The following MYO15A variants were observed in gnomAD, a reference collection of about 807,000 sequenced individuals.
MYO15A encodes the protein myosin XVA.
In MYO15A, 308 loss-of-function variants were observed where a neutral mutation model predicts 394.6. The ratio of observed to expected loss-of-function variants is 0.78; its 90% confidence interval spans 0.71 to 0.86. The LOEUF (loss-of-function observed/expected upper bound fraction) is 0.86, where lower values mean the gene tolerates loss of function less well. Ranked by LOEUF, MYO15A falls within the 40% of genes least tolerant of loss-of-function variation. The pLI is 0.00. For missense variants in MYO15A, 4,606 were observed against 4,799.1 expected (o/e 0.96, Z 1.19); for synonymous variants, 1,957 against 2,003.8 (o/e 0.98, Z 0.62).
chr17:18,138,329 C>T, intron 17 of MYO15A, 83 bp downstream of exon 17: 1 of 1,516,442 alleles, frequency 6.6e-7, no homozygotes, highest in South Asian at 1.2e-5. Context: ...CTCCTTCATT[C>T]CTCTCTGCTC....
At position 18,140,594 on chromosome 17, in the gene MYO15A, G is replaced by T. The variant is rs2046360427; in HGVS notation, c.5289G>T (p.Arg1763=). The T allele has an allele frequency of 6.2e-7, 1 of 1,613,628 alleles. No homozygotes were observed. Among genetic ancestry groups the T allele is most frequent in the Non-Finnish European group, 8.5e-7 (1 of 1,180,056 alleles). Residue 1763 remains arginine, a synonymous_variant, in exon 20 of 66, where the codon CGG becomes CGT. Transcript: ENST00000647165. ...TGGGCAAGAGCAGCTCCGTCACTCG[G>T]CTCTACAAGGCGCACACTGTGGCCG... is the stretch of plus-strand genomic sequence containing the variant. ...QRLGKSSSVT[R]LYKAHTVAAK...
chr17:18,148,110 G>T lies in MYO15A; in HGVS notation c.6591G>T (p.Gln2197His), dbSNP rs1224089843. 6.2e-7 allele frequency: 1 copy of T among 1,613,932 alleles called. No homozygotes were observed. Among genetic ancestry groups the T allele is most frequent in the Non-Finnish European group, 8.5e-7 (1 of 1,180,046 alleles). Residue 2197 changes from glutamine to histidine, a missense_variant, in exon 31 of 66, where the codon CAG becomes CAT. Around this residue, in one of 2 missense-constraint regions of MYO15A, gnomAD observed 2,776 missense variants for 3,109.3 expected, o/e 0.89. Coordinates refer to ENST00000647165, the MANE Select transcript of MYO15A (RefSeq NM_016239.4). This position sits in a 1 kb window ranked among gnomAD's most constrained non-coding sequence, Gnocchi z 4.8. ...TGCAGGCCATGGGCCGGGCCCAACA[G>T]CAGGGCTCGGGGGCTGCCCGCACCT... ...RLMQAMGRAQ[Q>H]QGSGAARTLP...
In MYO15A at chr17:18,126,882, T is replaced by C; in HGVS notation, c.3941+17T>C. 1 of 1,613,858 alleles carries C rather than the reference T, an allele frequency of 6.2e-7. No homozygotes were observed. Among genetic ancestry groups the C allele is most frequent in the Non-Finnish European group, 8.5e-7 (1 of 1,179,850 alleles). The stretch of plus-strand genomic sequence containing the variant: ...AATCATTAGGTGAGTGGGCTGCCTT[T>C]ATGTGGGGGATAAATGGGGGACCTT... On this transcript the variant is annotated intron_variant, in intron 6 of 65. Coordinates refer to ENST00000647165, the MANE Select transcript of MYO15A (RefSeq NM_016239.4).
intron 1 of MYO15A, among the ~76,000 whole-genome samples, chr17:18,112,078 C>G (rs915141407): frequency 2.6e-5 from 4 of 152,188 alleles, no homozygotes; most frequent in African/African-American, 9.7e-5. Context: ...TGGGCAAGCC[C>G]GCTAGAGAAT....
chr17:18,158,448 G>T, intron 51 of MYO15A, 75 bp from the exon 52 acceptor site: 1 of 1,323,310 alleles, frequency 7.6e-7, no homozygotes, highest in Admixed American at 1.7e-5. Flanking sequence ...GCTAGGGGTT[G>T]CGTTGTCAGT....
At chr17:18,164,392 A>G in intron 60 of MYO15A, 1 of 186,534 alleles carries the variant, frequency 5.4e-6, no homozygotes, top group Non-Finnish European at 1.1e-5. Context: ...AGCAACCCCC[A>G]GCCAGCTCTC....
rs767906576 is a variant in MYO15A, at chr17:18,120,694, C to T, written c.1894C>T (p.Gln632Ter). 1 of 1,555,774 alleles carries T rather than the reference C, an allele frequency of 6.4e-7. No homozygotes were observed. The highest frequency in any genetic ancestry group is 8.6e-7 in the Non-Finnish European group (1 of 1,158,566). Residue 632 changes from glutamine to a stop codon, truncating the protein, a stop_gained, in exon 2 of 66, where the codon CAG becomes TAG. Coordinates refer to ENST00000647165, the MANE Select transcript of MYO15A (RefSeq NM_016239.4). LOFTEE classifies it high-confidence loss of function. ...CACGCCCATCGTGCTGAGGAGGGCC[C>T]AGCCACGCGCTCGCAGCAGCAACGA... ...PGTPIVLRRA[Q>*]PRARSSNDAR...
At position 18,145,906 on chromosome 17, in the gene MYO15A, G is replaced by A. The variant is rs761356432; in HGVS notation, c.6308G>A (p.Gly2103Asp). The A allele has an allele frequency of 1.9e-5, 30 of 1,613,430 alleles. No homozygotes were observed. The highest frequency in any genetic ancestry group is 2.5e-5 in the Non-Finnish European group (30 of 1,180,028). ...TTCATGGGCGACCCCCACCTGCATG[G>A]TGCCCGGGAGAACATCTTCGGGAAC... is the stretch of plus-strand genomic sequence containing the variant. Reference protein sequence around the residue: ...LRFMGDPHLHGARENIFGNYI... With the variant: ...LRFMGDPHLHDARENIFGNYI... The change falls in exon 30 of 66, where the codon GGT becomes GAT. Residue 2103 changes from glycine to aspartate, a missense_variant. By Grantham distance (94) the Gly-to-Asp change is moderately conservative. Transcript: ENST00000647165.
rs973452147 is a variant in MYO15A, at chr17:18,151,728, G to C, written c.7788-118G>C. ...TTCAGGCCAGTCTCTGCTTCTCCCT[G>C]GATTCTCATTTATAATGATAGGGGG... On this transcript the variant is annotated intron_variant, in intron 40 of 65. Transcript: ENST00000647165. The C allele has an allele frequency of 3.3e-6, 4 of 1,198,538 alleles. No homozygotes were observed. The African/African-American group carries it at 6.0e-5, about 18-fold the overall frequency. The allele number at this position is 1,198,538 out of a possible 1,614,324, so 74.2% of individuals were successfully genotyped here.
At position 18,147,086 on chromosome 17, in the gene MYO15A, A is replaced by G. The variant is rs917663173; in HGVS notation, c.6510-943A>G. ...GATGTCACCCTGCTGGGTGAGAAGG[A>G]TGATTTGCAAGGAAATCGCTCAGGC... On this transcript the variant is annotated intron_variant, in intron 30 of 65. Coordinates refer to ENST00000647165, the MANE Select transcript of MYO15A (RefSeq NM_016239.4). This position sits in a 1 kb window ranked among gnomAD's most constrained non-coding sequence, Gnocchi z 4.4. Among the ~76,000 whole-genome samples, 2 of 152,194 alleles carry G rather than the reference A, an allele frequency of 1.3e-5. No individual in the cohort carries two copies. Among genetic ancestry groups the G allele is most frequent in the Non-Finnish European group, 2.9e-5 (2 of 68,034 alleles).
intron 2 of MYO15A, chr17:18,124,144 TG>T (rs1369931737): frequency 5.3e-6 from 2 of 380,236 alleles, no homozygotes; most frequent in Non-Finnish European, 5.1e-6. Context: ...AGCCAACATA[TG>T]GGGTCTGCTG....
At chr17:18,109,801 T>C (rs2045700052) in intron 1 of MYO15A, 1 of 152,166 alleles carries the variant, frequency 6.6e-6, no homozygotes, top group Non-Finnish European at 1.5e-5. Context: ...AAGACTCAGG[T>C]ACATAGGAGC....
intron 65 of MYO15A, among the ~76,000 whole-genome samples, chr17:18,174,443 G>A (rs2046985384): frequency 6.6e-6 from 1 of 152,112 alleles, no homozygotes; most frequent in Non-Finnish European, 1.5e-5. Flanking sequence ...GCAACATAGT[G>A]AGACCTAGTC....
At position 18,142,990 on chromosome 17, in the gene MYO15A, A is replaced by G. The variant is rs898876830; in HGVS notation, c.5910+150A>G. On this transcript the variant is annotated intron_variant, in intron 25 of 65. Transcript: ENST00000647165. The stretch of plus-strand genomic sequence containing the variant: ...AGCTCTTTAACTTTGGCCATTGTCT[A>G]TCCTCGATTTTCCCATCTACCCCTT... 8.1e-6 allele frequency: 6 copies of G among 743,512 alleles called. No individual in the cohort carries two copies. The Admixed American group carries it at 1.2e-4, about 15-fold the overall frequency. The allele number at this position is 743,512 out of a possible 1,614,324, so 46.1% of individuals were successfully genotyped here. A position where few individuals can be genotyped will look rare whatever the true frequency, so the allele number is the denominator to read the frequency against.
At chr17:18,149,883 T>G (rs2046547646) in intron 35 of MYO15A, 2 of 452,730 alleles carry the variant, frequency 4.4e-6, no homozygotes, top group African/African-American at 4.2e-5. Context: ...AGCCCAGGAG[T>G]CTGAGGCTGC....
intron 44 of MYO15A, 130 bp from the exon 45 acceptor site, chr17:18,154,550 C>T: frequency 1.1e-6 from 1 of 912,066 alleles, no homozygotes; most frequent in South Asian, 1.3e-5. Context: ...ACAGATGACC[C>T]AGCTTACAGA....
At chr17:18,129,171 G>A (rs1379701263) in intron 7 of MYO15A, among the ~76,000 whole-genome samples, 1 of 152,176 alleles carries the variant, frequency 6.6e-6, no homozygotes, top group East Asian at 1.9e-4. Context: ...CCGTCTCACT[G>A]GGCAAGTTTT....
Position 18,158,195 on chromosome 17 carries a change from T to TCTA in MYO15A, c.8967+298_8967+300dup, listed in dbSNP as rs2142390120. On this transcript the variant is annotated intron_variant, in intron 51 of 65. Coordinates refer to ENST00000647165, the MANE Select transcript of MYO15A (RefSeq NM_016239.4). ...AGCCGGGGCCCGCCAGTTGGTGAAG[T>TCTA]CTACTGGGTTTGGGGCGGTGCCAGG... 3 of 585,380 alleles carry TCTA rather than the reference T, an allele frequency of 5.1e-6. No homozygotes were observed. The South Asian group carries it at 6.4e-5, about 13-fold the overall frequency. The allele number at this position is 585,380 out of a possible 1,614,324, so 36.3% of individuals were successfully genotyped here.
chr17:18,118,893 G>C lies in MYO15A; in HGVS notation c.93G>C (p.Lys31Asn). Residue 31 changes from lysine (K) to asparagine (N), a missense_variant, in exon 2 of 66, where the codon AAG becomes AAC. Lys to Asn is a moderately conservative substitution (Grantham distance 94). This residue lies in a region of MYO15A where 1,830 missense variants were observed against 1,689.7 expected (regional missense o/e 1.08). Transcript: ENST00000647165. ...CGGAGAAGCCCAAACGGAGCCTGAA[G>C]GGGACGTCGCGGCTGTTCATGGGCT... Reference protein sequence around the residue: ...PEPEKPKRSLKGTSRLFMGFR... With the variant: ...PEPEKPKRSLNGTSRLFMGFR... The C allele has an allele frequency of 1.2e-6, 2 of 1,613,904 alleles. No individual in the cohort carries two copies. Among genetic ancestry groups the C allele is most frequent in the South Asian group, 2.2e-5 (2 of 91,056 alleles).
Sources: gnomAD v4.1 joint callset for allele counts (sites outside exome capture counted in the v4.1 genomes callset) on GRCh38, gnomAD v4.1.1 for gene constraint, gnomAD v4.1.1 regional missense constraint, Gnocchi (gnomAD v3.1) non-coding constraint, MANE v1.5 for transcripts, NCBI Gene and HGNC (gene_info 2026-07-23, HGNC 2026-07-21) for gene names.